RNF152: variants seen among roughly 807,000 people sequenced by gnomAD.
RNF152 encodes E3 ubiquitin-protein ligase RNF152.
RNF152 carries 11 observed loss-of-function variants against 12.7 expected under a neutral mutation model. The observed-to-expected ratio is 0.86, with a 90% CI of 0.54 to 1.43. RNF152 has a LOEUF of 1.43. RNF152 is among the 40% of genes most tolerant of loss of function. The pLI, the probability that RNF152 is intolerant of heterozygous loss-of-function variation, is 0.00. For missense variants in RNF152, 255 were observed against 274.8 expected (o/e 0.93, Z 0.51); for synonymous variants, 113 against 120.3 (o/e 0.94, Z 0.40).
At chr18:61,885,816 ACG>A (rs1568296854) in intron 1 of RNF152, among the ~76,000 whole-genome samples, 1 of 152,076 alleles carries the variant, frequency 6.6e-6, no homozygotes, top group Non-Finnish European at 1.5e-5. Context: ...TTAATTATAA[ACG>A]CAGGTGGGGC....
At chr18:61,882,571 AAG>A (rs1321201621) in intron 1 of RNF152, among the ~76,000 whole-genome samples, 3 of 152,368 alleles carry the variant, frequency 2.0e-5, no homozygotes, top group Admixed American at 2.0e-4. Flanking sequence ...TCCAAGGAGA[AAG>A]AGAGCACAAA....
chr18:61,843,918 T>C (rs762650469), intron 1 of RNF152, among the ~76,000 whole-genome samples: 5 of 151,850 alleles, frequency 3.3e-5, no homozygotes, highest in Non-Finnish European at 5.9e-5. Context: ...TTACCACCAC[T>C]GAACTGTATA....
At chr18:61,826,729 T>C (rs1375129880) in intron 1 of RNF152, among the ~76,000 whole-genome samples, 1 of 152,238 alleles carries the variant, frequency 6.6e-6, no homozygotes, top group African/African-American at 2.4e-5. Flanking sequence ...AGCCCTTCCC[T>C]GATTCTCTTA....
At chr18:61,842,851 C>T (rs899509342) in intron 1 of RNF152, among the ~76,000 whole-genome samples, 1 of 152,200 alleles carries the variant, frequency 6.6e-6, no homozygotes, top group Non-Finnish European at 1.5e-5. Flanking sequence ...TTCACTATCA[C>T]AAGAACAGCA....
intron 1 of RNF152, among the ~76,000 whole-genome samples, chr18:61,821,327 G>C (rs1485826108): frequency 6.6e-6 from 1 of 152,122 alleles, no homozygotes; most frequent in East Asian, 1.9e-4. Flanking sequence ...AAGCCATTTT[G>C]ACAGCAGCCT....
At chr18:61,894,114 C>G (rs1329996839), upstream of RNF152, 1 of 152,138 alleles carries the variant, frequency 6.6e-6, no homozygotes, top group African/African-American at 2.4e-5. This position sits in a 1 kb window ranked among gnomAD's most constrained non-coding sequence, Gnocchi z 4.9. Flanking sequence ...CGATCCGGAG[C>G]CGGCAGAGCA....
At chr18:61,840,584 A>G (rs1279578090) in intron 1 of RNF152, among the ~76,000 whole-genome samples, 1 of 151,876 alleles carries the variant, frequency 6.6e-6, no homozygotes, top group Non-Finnish European at 1.5e-5. Flanking sequence ...TCATAGATGG[A>G]TTTTCAGAGT....
At position 61,816,254 on chromosome 18, in the gene RNF152, C is replaced by T. The variant is rs138454336; in HGVS notation, c.210G>A (p.Pro70=). The T allele has an allele frequency of 1.0e-4, 166 of 1,614,088 alleles. No individual in the cohort carries two copies. The highest frequency in any genetic ancestry group is 1.4e-4 in the Non-Finnish European group (161 of 1,180,044). Residue 70 remains proline (P), a synonymous_variant, in exon 2 of 2, where the codon CCG becomes CCA. Transcript: ENST00000312828. ...TGACAGCCAGGACCTCCGGGTCGTC[C>T]GGGAGCTGCGACACGGAGAAGCCGG... ...LPPGFSVSQL[P]DDPEVLAVIA... is the part of the protein sequence containing the mutation.
chr18:61,894,398 G>T (rs1403250294), upstream of RNF152, among the ~76,000 whole-genome samples: 1 of 151,746 alleles, frequency 6.6e-6, no homozygotes, highest in Non-Finnish European at 1.5e-5. This position sits in a 1 kb window ranked among gnomAD's most constrained non-coding sequence, Gnocchi z 4.9. Context: ...GTTCGCGGTC[G>T]GACACCGCCG....
chr18:61,812,493 A>C lies in RNF152; in HGVS notation c.*3359T>G, dbSNP rs1908850736. 6.6e-6 allele frequency: 1 copy of C among 152,244 alleles called. No homozygotes were observed. Among genetic ancestry groups the C allele is most frequent in the Admixed American group, 6.5e-5 (1 of 15,282 alleles). 9.4% of individuals were successfully genotyped at this position (152,244 alleles called of 1,614,324 possible). A position where few individuals can be genotyped will look rare whatever the true frequency, so the allele number is the denominator to read the frequency against. On this transcript the variant is annotated 3_prime_UTR_variant, in exon 2 of 2. Coordinates refer to ENST00000312828, the MANE Select transcript of RNF152 (RefSeq NM_173557.3). The stretch of plus-strand genomic sequence containing the variant: ...CTGATCATTAAGTATGACTGGAACC[A>C]AAAACCAAGTTGCCTTTTCATCACA...
At position 61,813,684 on chromosome 18, in the gene RNF152, CAT is replaced by C. The variant is rs1040234444; in HGVS notation, c.*2166_*2167del. On this transcript the variant is annotated 3_prime_UTR_variant, in exon 2 of 2. Transcript: ENST00000312828. ...TCAGTCATTTCACACTGTACAGAAA[CAT>C]ATGCAGATATCACTCACAAAATTAA... 5.3e-5 allele frequency: 8 copies of C among 152,206 alleles called. No homozygotes were observed. Among genetic ancestry groups the C allele is most frequent in the Non-Finnish European group, 1.2e-4 (8 of 68,036 alleles). 9.4% of individuals were successfully genotyped at this position (152,206 alleles called of 1,614,324 possible). A position where few individuals can be genotyped will look rare whatever the true frequency, so the allele number is the denominator to read the frequency against.
intron 1 of RNF152, among the ~76,000 whole-genome samples, chr18:61,883,690 G>C (rs1912566592): frequency 6.6e-6 from 1 of 152,176 alleles, no homozygotes; most frequent in African/African-American, 2.4e-5. Context: ...CTACTCCCAA[G>C]AAAGCAGACC....
chr18:61,843,188 A>G (rs1910529217), intron 1 of RNF152, among the ~76,000 whole-genome samples: 1 of 152,234 alleles, frequency 6.6e-6, no homozygotes, highest in African/African-American at 2.4e-5. Context: ...TGAATGACTG[A>G]GAAAACTATT....
At chr18:61,873,221 G>A (rs939017695) in intron 1 of RNF152, among the ~76,000 whole-genome samples, 1 of 152,138 alleles carries the variant, frequency 6.6e-6, no homozygotes, top group Non-Finnish European at 1.5e-5. Flanking sequence ...TTCACAAAAT[G>A]CTTAAAAGTT....
rs954676579 is a variant in RNF152 at position 61,813,015 on chromosome 18, G to A, written c.*2837C>T. 1 of 152,072 alleles carries A rather than the reference G, an allele frequency of 6.6e-6. No individual in the cohort carries two copies. Among genetic ancestry groups the A allele is most frequent in the Non-Finnish European group, 1.5e-5 (1 of 68,052 alleles). 9.4% of individuals were successfully genotyped at this position (152,072 alleles called of 1,614,324 possible). A position where few individuals can be genotyped will look rare whatever the true frequency, so the allele number is the denominator to read the frequency against. ...CCCCCTTTCTGCAGAATTACAAAACGGACTCATCTACAAAATGAAGCCACC... is the reference window on the plus strand; with the variant it reads ...CCCCCTTTCTGCAGAATTACAAAACAGACTCATCTACAAAATGAAGCCACC... On this transcript the variant is annotated 3_prime_UTR_variant, in exon 2 of 2. Coordinates refer to ENST00000312828, the MANE Select transcript of RNF152 (RefSeq NM_173557.3).
At chr18:61,829,172 C>T (rs1412440302) in intron 1 of RNF152, among the ~76,000 whole-genome samples, 1 of 152,144 alleles carries the variant, frequency 6.6e-6, no homozygotes, top group African/African-American at 2.4e-5. Context: ...TGTAGGGCAG[C>T]ACACGGCAGG....
At chr18:61,832,802 G>T (rs1168622508) in intron 1 of RNF152, among the ~76,000 whole-genome samples, 2 of 152,190 alleles carry the variant, frequency 1.3e-5, no homozygotes, top group African/African-American at 4.8e-5. Flanking sequence ...ATTAGGTCTT[G>T]CCAGATACAA....
intron 1 of RNF152, among the ~76,000 whole-genome samples, chr18:61,847,670 C>T (rs1266868277): frequency 2.0e-5 from 3 of 152,172 alleles, no homozygotes; most frequent in Non-Finnish European, 2.9e-5. Context: ...AACAGTCATG[C>T]GTTTGAGATC....
intron 1 of RNF152, among the ~76,000 whole-genome samples, chr18:61,818,800 T>C (rs1330991759): frequency 6.6e-6 from 1 of 152,234 alleles, no homozygotes; most frequent in Non-Finnish European, 1.5e-5. Flanking sequence ...AAATTTTCAT[T>C]GCATATCTAC....
Sources: gnomAD v4.1 joint callset for allele counts (sites outside exome capture counted in the v4.1 genomes callset) on GRCh38, gnomAD v4.1.1 for gene constraint, Gnocchi (gnomAD v3.1) non-coding constraint, MANE v1.5 for transcripts, NCBI Gene and HGNC (gene_info 2026-07-23, HGNC 2026-07-21) for gene names.